CSNK2A2: variants seen among roughly 807,000 people sequenced by gnomAD.
The protein encoded by CSNK2A2 is casein kinase II subunit alpha'.
Under a neutral mutation model 54.0 loss-of-function variants are expected in CSNK2A2, and 8 were observed. That is an observed-to-expected ratio of 0.15 (90% CI 0.09 to 0.27). The LOEUF (loss-of-function observed/expected upper bound fraction) is 0.27. Among genes scored for constraint, CSNK2A2 ranks in the 10% least tolerant of loss-of-function variants. CSNK2A2 has a pLI of 1.00. For missense variants in CSNK2A2, 242 were observed against 439.4 expected, an observed-to-expected ratio of 0.55 and a Z score of 4.02; for synonymous variants, 141 against 153.9, an observed-to-expected ratio of 0.92 and a Z score of 0.62.
At chr16:58,159,847 C>A (rs1961275351) in intron 11 of CSNK2A2, 1 of 152,188 alleles carries the variant, frequency 6.6e-6, no homozygotes, top group Non-Finnish European at 1.5e-5. Flanking sequence ...TCTTAGTCAC[C>A]ATTTACAGCA....
intron 3 of CSNK2A2, among the ~76,000 whole-genome samples, chr16:58,184,534 G>A (rs1456063744): frequency 6.6e-6 from 1 of 152,242 alleles, no homozygotes; most frequent in East Asian, 1.9e-4. Context: ...GAGTATAGAT[G>A]AAACAAGGTT....
At chr16:58,193,370 T>C (rs1289656171) in intron 2 of CSNK2A2, among the ~76,000 whole-genome samples, 1 of 152,210 alleles carries the variant, frequency 6.6e-6, no homozygotes, top group Non-Finnish European at 1.5e-5. Flanking sequence ...ATGCTAAACA[T>C]GCTTAAAGAG....
chr16:58,180,698 T>A (rs950109002), intron 4 of CSNK2A2, among the ~76,000 whole-genome samples: 1 of 152,146 alleles, frequency 6.6e-6, no homozygotes, highest in Admixed American at 6.6e-5. Context: ...AATAAAATTA[T>A]AGATCAAAAT....
At chr16:58,174,251 C>G in intron 5 of CSNK2A2, 200 bp downstream of exon 5, 1 of 503,484 alleles carries the variant, frequency 2.0e-6, no homozygotes, top group Non-Finnish European at 3.5e-6. Flanking sequence ...TACCCCTTGA[C>G]TTGGCCACTT....
intron 2 of CSNK2A2, among the ~76,000 whole-genome samples, chr16:58,187,455 T>A (rs1449074917): frequency 1.3e-5 from 2 of 152,202 alleles, no homozygotes; most frequent in Non-Finnish European, 2.9e-5. Flanking sequence ...AAATGTTGAA[T>A]CAGGAAAGGA....
chr16:58,189,605 C>A (rs1213980131), intron 2 of CSNK2A2, among the ~76,000 whole-genome samples: 1 of 152,198 alleles, frequency 6.6e-6, no homozygotes, highest in African/African-American at 2.4e-5. Flanking sequence ...AGGTATCTGG[C>A]ATAGCAACTG....
intron 5 of CSNK2A2, among the ~76,000 whole-genome samples, chr16:58,169,028 G>A (rs930555470): frequency 3.3e-5 from 5 of 151,740 alleles, no homozygotes; most frequent in African/African-American, 9.7e-5. Context: ...CCGGGTTCAC[G>A]CCCTTCTCCT....
chr16:58,181,976 C>G (rs925524149), intron 4 of CSNK2A2, among the ~76,000 whole-genome samples: 1 of 152,072 alleles, frequency 6.6e-6, no homozygotes, highest in African/African-American at 2.4e-5. Flanking sequence ...TCTTCAAAAT[C>G]AAGGAAATTA....
chr16:58,197,497 G>A lies in CSNK2A2; in HGVS notation c.104+136C>T. 2.1e-6 allele frequency: 1 copy of A among 470,276 alleles called. No individual in the cohort carries two copies. The allele number at this position is 470,276 out of a possible 1,614,324, so 29.1% of individuals were successfully genotyped here. A position where few individuals can be genotyped will look rare whatever the true frequency, so the allele number is the denominator to read the frequency against. ...AAGAGGAAGACGAGGACATGTGCGA[G>A]AGCGGGACCTCTGCCTCCCTGCGGG... On this transcript the variant is annotated intron_variant, in intron 1 of 11. Coordinates refer to ENST00000262506, the MANE Select transcript of CSNK2A2 (RefSeq NM_001896.4). This position sits in a 1 kb window ranked among gnomAD's most constrained non-coding sequence, Gnocchi z 4.0.
At position 58,197,087 on chromosome 16, in the gene CSNK2A2, C is replaced by A; in HGVS notation, c.105-243G>T. ...TGGGGCAGGAAGGCAACGCTCTGAG[C>A]CAATCCAGAGGGGCGAGCAAAGCAC... On this transcript the variant is annotated intron_variant, in intron 1 of 11. Transcript: ENST00000262506. The surrounding 1 kb of genome is among the most constrained non-coding windows in gnomAD (Gnocchi z 4.0). 2.1e-6 allele frequency: 1 copy of A among 481,314 alleles called. No individual in the cohort carries two copies. Among genetic ancestry groups the A allele is most frequent in the Admixed American group, 3.3e-5 (1 of 30,682 alleles). The allele number at this position is 481,314 out of a possible 1,614,324, so 29.8% of individuals were successfully genotyped here.
chr16:58,196,278 G>A (rs920727710), intron 2 of CSNK2A2, among the ~76,000 whole-genome samples: 2 of 152,208 alleles, frequency 1.3e-5, no homozygotes, highest in African/African-American at 2.4e-5. Context: ...GGAAAATGGG[G>A]TGGAAAAAGA....
intron 4 of CSNK2A2, among the ~76,000 whole-genome samples, chr16:58,178,832 A>G (rs1961949584): frequency 1.3e-5 from 2 of 152,236 alleles, no homozygotes; most frequent in South Asian, 2.1e-4. Flanking sequence ...CACACTTGGT[A>G]TAACAAATGA....
chr16:58,170,471 C>T (rs1038799712), intron 5 of CSNK2A2, among the ~76,000 whole-genome samples: 1 of 152,034 alleles, frequency 6.6e-6, no homozygotes, highest in Admixed American at 6.6e-5. Context: ...TCCACTCATG[C>T]TTTCATTTCC....
At chr16:58,171,979 A>ATATATTT (rs1261137669) in intron 5 of CSNK2A2, among the ~76,000 whole-genome samples, 1 of 66,216 alleles carries the variant, frequency 1.5e-5, no homozygotes, top group Non-Finnish European at 2.5e-5. Context: ...ATATATATAT[A>ATATATTT]TTTTTTTTTT....
At chr16:58,175,160 C>A (rs1182372065) in intron 4 of CSNK2A2, among the ~76,000 whole-genome samples, 1 of 152,168 alleles carries the variant, frequency 6.6e-6, no homozygotes, top group African/African-American at 2.4e-5. Flanking sequence ...CAAAAATGAT[C>A]ACTGGCCAAA....
chr16:58,161,474 G>A (rs988764702), intron 11 of CSNK2A2: 2 of 151,950 alleles, frequency 1.3e-5, no homozygotes, highest in African/African-American at 2.4e-5. Flanking sequence ...TAACTGAAAA[G>A]GATACTGGGT....
At chr16:58,175,981 C>T (rs1961868539) in intron 4 of CSNK2A2, among the ~76,000 whole-genome samples, 1 of 152,148 alleles carries the variant, frequency 6.6e-6, no homozygotes, top group East Asian at 1.9e-4. Flanking sequence ...CACACCCAAG[C>T]TTTTTGTTCT....
chr16:58,179,772 T>C lies in CSNK2A2; in HGVS notation c.369+4488A>G, dbSNP rs148509278. On this transcript the variant is annotated intron_variant, in intron 4 of 11. Coordinates refer to ENST00000262506, the MANE Select transcript of CSNK2A2 (RefSeq NM_001896.4). ...TTAGGGTTGTACAAACTTAAGCACA[T>C]GTATTGTCAAGAAAAACAAAATCAA... Among the ~76,000 whole-genome samples the C allele has an allele frequency of 1.2e-3, 175 of 152,068 alleles. 1 individual carries two copies. The highest frequency in any genetic ancestry group is 2.1e-3 in the Non-Finnish European group (140 of 67,952).
Position 58,197,439 on chromosome 16 carries a change from G to C in CSNK2A2, c.104+194C>G, listed in dbSNP as rs78279459. Among the ~76,000 whole-genome samples the C allele has an allele frequency of 0.016, 2,393 of 152,300 alleles. 24 individuals carry two copies. Among genetic ancestry groups the C allele is most frequent in the Middle Eastern group, 0.024 (7 of 294 alleles). The stretch of plus-strand genomic sequence containing the variant: ...GGGGGAAAGGGGTGCGCAAAGCGGG[G>C]AGAAAGGGACGAAACGGGGGTAAAG... On this transcript the variant is annotated intron_variant, in intron 1 of 11. Coordinates refer to ENST00000262506, the MANE Select transcript of CSNK2A2 (RefSeq NM_001896.4). The surrounding 1 kb of genome is among the most constrained non-coding windows in gnomAD (Gnocchi z 4.0).
Sources: allele counts gnomAD v4.1 joint callset (sites outside exome capture counted in the v4.1 genomes callset), GRCh38; gene constraint gnomAD v4.1.1; non-coding constraint Gnocchi (gnomAD v3.1); transcripts MANE v1.5; gene names NCBI Gene and HGNC (gene_info 2026-07-23, HGNC 2026-07-21).